Variants in FMNL2 observed in about 807,000 individuals in gnomAD.
FMNL2 encodes formin-like protein 2.
FMNL2 carries 51 observed loss-of-function variants against 130.2 expected under a neutral mutation model. The observed-to-expected ratio is 0.39, with a 90% confidence interval of 0.31 to 0.49. The LOEUF is 0.49. Ranked by LOEUF, FMNL2 falls within the 20% of genes least tolerant of loss-of-function variation. The pLI is 0.85. For synonymous variants in FMNL2, 465 were observed against 467.1 expected, an observed-to-expected ratio of 1.00 and a Z score of 0.06; for missense variants, 977 against 1,316.2, an observed-to-expected ratio of 0.74 and a Z score of 3.99.
At chr2:152,474,087 G>C (rs1379827049) in intron 1 of FMNL2, among the ~76,000 whole-genome samples, 1 of 152,072 alleles carries the variant, frequency 6.6e-6, no homozygotes, top group African/African-American at 2.4e-5. Context: ...ATATTGGCCA[G>C]GCTGGTCTCA....
chr2:152,610,095 A>G (rs1698598026), intron 10 of FMNL2, among the ~76,000 whole-genome samples: 2 of 152,216 alleles, frequency 1.3e-5, no homozygotes, highest in Non-Finnish European at 2.9e-5. Flanking sequence ...CTCGTTGATT[A>G]TATGGAAAGA....
At chr2:152,636,262 T>A (rs1390098548) in intron 21 of FMNL2, among the ~76,000 whole-genome samples, 165 bp from the exon 22 acceptor site, 1 of 152,258 alleles carries the variant, frequency 6.6e-6, no homozygotes, top group Non-Finnish European at 1.5e-5. Flanking sequence ...GTAGTGCTTA[T>A]AATGCTTCTT....
chr2:152,364,292 T>A (rs1247819771), intron 1 of FMNL2, among the ~76,000 whole-genome samples: 3 of 123,092 alleles, frequency 2.4e-5, no homozygotes, highest in Admixed American at 8.2e-5. Flanking sequence ...TTTTTTTTTT[T>A]ACCAGATCCT....
intron 1 of FMNL2, among the ~76,000 whole-genome samples, chr2:152,394,644 A>T (rs1685294967): frequency 6.6e-6 from 1 of 151,784 alleles, no homozygotes; most frequent in Non-Finnish European, 1.5e-5. Flanking sequence ...TTTTTAATGA[A>T]GAATGACAAC....
intron 1 of FMNL2, among the ~76,000 whole-genome samples, chr2:152,463,544 G>C (rs1411395886): frequency 2.0e-5 from 3 of 152,160 alleles, no homozygotes; most frequent in Non-Finnish European, 4.4e-5. Flanking sequence ...TGCATTACTG[G>C]TACCAAGGGG....
At chr2:152,438,779 C>G (rs943280373) in intron 1 of FMNL2, among the ~76,000 whole-genome samples, 4 of 152,016 alleles carry the variant, frequency 2.6e-5, no homozygotes, top group Non-Finnish European at 5.9e-5. Flanking sequence ...GCAGTCATAG[C>G]GTCAGGGGGC....
chr2:152,452,518 T>A (rs1328050748), intron 1 of FMNL2, among the ~76,000 whole-genome samples: 1 of 117,338 alleles, frequency 8.5e-6, no homozygotes, highest in Non-Finnish European at 1.7e-5. Context: ...CAATGTGGGT[T>A]GGTAGGAATT....
At chr2:152,454,013 C>G (rs1022420348) in intron 1 of FMNL2, among the ~76,000 whole-genome samples, 1 of 152,168 alleles carries the variant, frequency 6.6e-6, no homozygotes, top group Admixed American at 6.5e-5. Flanking sequence ...TAGCTCACGC[C>G]TATAACCCCA....
intron 1 of FMNL2, among the ~76,000 whole-genome samples, chr2:152,364,259 G>GGTT (rs1553868318): frequency 9.9e-6 from 1 of 100,798 alleles, no homozygotes; most frequent in African/African-American, 4.4e-5. Flanking sequence ...GGAGGTTTGT[G>GGTT]TGTTTTTTTT....
rs146910568 is a variant in FMNL2, at chr2:152,566,545, C to T, written c.596+5510C>T. On this transcript the variant is annotated intron_variant, in intron 6 of 25. Transcript: ENST00000288670. Reference sequence around the variant, plus strand: ...AGGATTGGAAAAAACACTGAAGAGGCCTCAGCAAATTCTTGTAGCTGTGGT... The same window carrying T: ...AGGATTGGAAAAAACACTGAAGAGGTCTCAGCAAATTCTTGTAGCTGTGGT... Among the ~76,000 whole-genome samples, 513 of 152,194 alleles carry T rather than the reference C, an allele frequency of 3.4e-3. 3 individuals are homozygous for T. Among genetic ancestry groups the T allele is most frequent in the African/African-American group, 0.012 (500 of 41,476 alleles).
At chr2:152,569,337 G>A (rs764673330) in intron 6 of FMNL2, among the ~76,000 whole-genome samples, 18 of 151,978 alleles carry the variant, frequency 1.2e-4, no homozygotes, top group Non-Finnish European at 1.9e-4. Context: ...CTCAGGTTTC[G>A]CTTGCTGGTT....
intron 9 of FMNL2, among the ~76,000 whole-genome samples, chr2:152,598,651 C>T (rs1697887395): frequency 8.0e-6 from 1 of 124,480 alleles, no homozygotes; most frequent in African/African-American, 2.6e-5. Context: ...GATTGCGCCA[C>T]TGCACTCCAG....
At position 152,565,658 on chromosome 2, in the gene FMNL2, A is replaced by C. The variant is rs1695795153; in HGVS notation, c.596+4623A>C. Among the ~76,000 whole-genome samples the C allele has an allele frequency of 3.3e-5, 5 of 152,300 alleles. No individual in the cohort carries two copies. In the Middle Eastern group the frequency reaches 0.014, roughly 414 times the overall value. On this transcript the variant is annotated intron_variant, in intron 6 of 25. Transcript: ENST00000288670. ...TTCCCATTGCAACGGTTTATTTTCA[A>C]ATAATATCTTTTCTTTAAAAACAAC...
intron 8 of FMNL2, 97 bp downstream of exon 8, chr2:152,579,061 G>T (rs1225444601): frequency 5.3e-6 from 5 of 949,724 alleles, no homozygotes; most frequent in Non-Finnish European, 6.4e-6. Flanking sequence ...ACTTTCAAGT[G>T]TTAATCTCTG....
intron 3 of FMNL2, 83 bp downstream of exon 3, chr2:152,542,902 C>A: frequency 6.9e-7 from 1 of 1,446,332 alleles, no homozygotes; most frequent in East Asian, 2.3e-5. Flanking sequence ...GACCTTCCTT[C>A]CTCTGCATTA....
chr2:152,404,327 A>G (rs1245683013), intron 1 of FMNL2, among the ~76,000 whole-genome samples: 1 of 152,184 alleles, frequency 6.6e-6, no homozygotes, highest in Non-Finnish European at 1.5e-5. Flanking sequence ...TTTTTTGGTT[A>G]TCTTGTATCT....
intron 1 of FMNL2, among the ~76,000 whole-genome samples, chr2:152,371,569 T>G (rs567348522): frequency 6.8e-6 from 1 of 147,658 alleles, no homozygotes; most frequent in East Asian, 2.0e-4. Flanking sequence ...CTTGGGAAGC[T>G]GAGGCAGGAG....
chr2:152,612,046 G>A (rs75106043), intron 11 of FMNL2, among the ~76,000 whole-genome samples: 2,857 of 152,264 alleles, frequency 0.019, 30 homozygotes, highest in Middle Eastern at 0.034. Flanking sequence ...TGAGGAAATG[G>A]ACACCAGAGA....
intron 9 of FMNL2, among the ~76,000 whole-genome samples, chr2:152,595,106 T>C (rs1247820094): frequency 1.3e-5 from 2 of 152,178 alleles, no homozygotes; most frequent in African/African-American, 4.8e-5. Context: ...CCAATAACTG[T>C]ACTAGCAACA....
Sources: allele counts gnomAD v4.1 joint callset (sites outside exome capture counted in the v4.1 genomes callset), GRCh38; gene constraint gnomAD v4.1.1; transcripts MANE v1.5; gene names NCBI Gene and HGNC (gene_info 2026-07-23, HGNC 2026-07-21).